Variants in CNTNAP4 observed in about 807,000 individuals in gnomAD.
CNTNAP4 encodes contactin-associated protein-like 4.
Under a neutral mutation model 148.4 loss-of-function variants are expected in CNTNAP4, and 98 were observed. The observed-to-expected ratio is 0.66, with a 90% CI of 0.56 to 0.78. The LOEUF (loss-of-function observed/expected upper bound fraction) is 0.78, where lower values mean the gene tolerates loss of function less well. Among genes scored for constraint, CNTNAP4 ranks in the 30% least tolerant of loss-of-function variants. The pLI is 0.00. For synonymous variants in CNTNAP4, 730 were observed against 565.1 expected (o/e 1.29, Z -4.14); for missense variants, 1,935 against 1,565.6 (o/e 1.24, Z -3.98).
intron 3 of CNTNAP4, among the ~76,000 whole-genome samples, chr16:76,388,104 T>G (rs1173067161): frequency 6.6e-6 from 1 of 152,202 alleles, no homozygotes; most frequent in Non-Finnish European, 1.5e-5. Flanking sequence ...AAATCACCCT[T>G]AAGTGTGGGT....
At chr16:76,358,395 A>C (rs2012978711) in intron 3 of CNTNAP4, among the ~76,000 whole-genome samples, 1 of 152,178 alleles carries the variant, frequency 6.6e-6, no homozygotes, top group South Asian at 2.1e-4. Flanking sequence ...TCAGAGCAAA[A>C]CAAAGAAAGA....
At chr16:76,335,745 A>G (rs1367059818) in intron 2 of CNTNAP4, among the ~76,000 whole-genome samples, 2 of 152,168 alleles carry the variant, frequency 1.3e-5, no homozygotes, top group Non-Finnish European at 2.9e-5. Context: ...ATGTGACAAG[A>G]ACCCCTTATC....
chr16:76,328,879 A>G (rs968914684), intron 2 of CNTNAP4, among the ~76,000 whole-genome samples: 12 of 152,272 alleles, frequency 7.9e-5, no homozygotes, highest in Middle Eastern at 6.8e-3. Flanking sequence ...TCCTGACCTC[A>G]GGTGATCCAC....
At chr16:76,309,928 T>C in intron 1 of CNTNAP4, 2 of 701,736 alleles carry the variant, frequency 2.9e-6, no homozygotes, top group Admixed American at 2.0e-5. Flanking sequence ...TAAGTCTCTT[T>C]TTCTTCCCCG....
rs779366718 is a variant in CNTNAP4 at position 76,475,963 on chromosome 16, C to T, written c.1680C>T (p.His560=). 8.1e-6 allele frequency: 13 copies of T among 1,613,492 alleles called. No individual in the cohort carries two copies. Among genetic ancestry groups the T allele is most frequent in the Admixed American group, 1.7e-5 (1 of 59,996 alleles). ...SDRCLPNYCE[H]GGECSQSWST... is the part of the protein sequence containing the mutation. ...GGTGTTTGCCCAACTATTGTGAACA[C>T]GGTGGGGAGTGTTCCCAGTCCTGGA... The change falls in exon 11 of 24, where the codon CAC becomes CAT. Residue 560 remains histidine, a synonymous_variant. Transcript: ENST00000611870.
intron 1 of CNTNAP4, among the ~76,000 whole-genome samples, chr16:76,298,721 C>A (rs891732245): frequency 2.0e-5 from 3 of 152,250 alleles, no homozygotes; most frequent in East Asian, 1.9e-4. Flanking sequence ...TGCTGGCCAA[C>A]TGGACTGCTG....
chr16:76,515,716 A>T (rs2083220227), intron 15 of CNTNAP4, among the ~76,000 whole-genome samples: 1 of 152,188 alleles, frequency 6.6e-6, no homozygotes, highest in African/African-American at 2.4e-5. Context: ...ACATGAAATG[A>T]TACCCAGCAT....
intron 3 of CNTNAP4, among the ~76,000 whole-genome samples, chr16:76,404,294 A>G (rs13336855): frequency 0.019 from 2,818 of 152,290 alleles, 68 homozygotes; most frequent in African/African-American, 0.054. Flanking sequence ...AATAAAAGAC[A>G]TAACAATAAC....
intron 15 of CNTNAP4, among the ~76,000 whole-genome samples, chr16:76,499,132 A>T (rs1006839167): frequency 1.4e-5 from 2 of 145,096 alleles, no homozygotes; most frequent in East Asian, 4.0e-4. Context: ...CAGTGGCGCG[A>T]TGTTGGCTCA....
intron 3 of CNTNAP4, among the ~76,000 whole-genome samples, chr16:76,390,720 T>A (rs1448926362): frequency 6.6e-6 from 1 of 152,194 alleles, no homozygotes; most frequent in Non-Finnish European, 1.5e-5. Flanking sequence ...ATGAAACAAT[T>A]CTAGGATTTT....
chr16:76,492,073 A>G (rs937426005), intron 13 of CNTNAP4, among the ~76,000 whole-genome samples: 1 of 152,224 alleles, frequency 6.6e-6, no homozygotes, highest in Non-Finnish European at 1.5e-5. Context: ...AGTTTAACTC[A>G]TAGAAACAGA....
chr16:76,428,737 AATATT>A (rs2079509074), intron 4 of CNTNAP4, among the ~76,000 whole-genome samples: 2 of 152,100 alleles, frequency 1.3e-5, no homozygotes, highest in African/African-American at 4.8e-5. Context: ...GTATTAATAT[AATATT>A]AATAGCAATA....
At chr16:76,382,689 C>A (rs2016104383) in intron 3 of CNTNAP4, among the ~76,000 whole-genome samples, 1 of 152,044 alleles carries the variant, frequency 6.6e-6, no homozygotes, top group Non-Finnish European at 1.5e-5. Flanking sequence ...AAAACCATGA[C>A]TATGTTTATC....
rs764349661 is a variant in CNTNAP4, at chr16:76,448,773, C to A, written c.749C>A (p.Ala250Asp). 1 of 1,602,752 alleles carries A rather than the reference C, an allele frequency of 6.2e-7. No homozygotes were observed. The highest frequency in any genetic ancestry group is 1.1e-5 in the South Asian group (1 of 88,920). The change falls in exon 6 of 24, where the codon GCT (alanine) becomes GAT (aspartate). Residue 250 changes from alanine (A) to aspartate (D), a missense_variant. Transcript: ENST00000611870. ...ATTTTTCTCCTCTTCTAAGGTGAAG[C>A]TAAACTGCCTTCCACTTCCACCCTG... ...RLFLLINSGE[A>D]KLPSTSTLVN...
intron 2 of CNTNAP4, among the ~76,000 whole-genome samples, chr16:76,350,940 A>C (rs1231499986): frequency 6.6e-6 from 1 of 152,140 alleles, no homozygotes; most frequent in Admixed American, 6.6e-5. Flanking sequence ...TGGAACAGGT[A>C]AAGGAAACCT....
intron 2 of CNTNAP4, among the ~76,000 whole-genome samples, chr16:76,334,054 A>C (rs1375865940): frequency 6.6e-6 from 1 of 151,824 alleles, no homozygotes; most frequent in Non-Finnish European, 1.5e-5. Flanking sequence ...TGATGAGTTC[A>C]TGTCCTTTGT....
intron 23 of CNTNAP4, 67 bp from the exon 24 acceptor site, chr16:76,558,423 G>A (rs1448768811): frequency 1.2e-6 from 1 of 850,972 alleles, no homozygotes; most frequent in East Asian, 2.5e-5. Context: ...GACTTATTAA[G>A]CAATGAAGTC....
intron 2 of CNTNAP4, among the ~76,000 whole-genome samples, chr16:76,323,407 T>C (rs1962635492): frequency 6.6e-6 from 1 of 152,204 alleles, no homozygotes; most frequent in Admixed American, 6.5e-5. Context: ...AGATTAATTT[T>C]ATGATCAGTG....
chr16:76,492,183 T>C (rs2082247624), intron 13 of CNTNAP4, among the ~76,000 whole-genome samples: 1 of 152,176 alleles, frequency 6.6e-6, no homozygotes, highest in Non-Finnish European at 1.5e-5. Flanking sequence ...AGACATGGTA[T>C]ACAGAATGAT....
Sources: allele counts gnomAD v4.1 joint callset (sites outside exome capture counted in the v4.1 genomes callset), GRCh38; gene constraint gnomAD v4.1.1; transcripts MANE v1.5; gene names NCBI Gene and HGNC (gene_info 2026-07-23, HGNC 2026-07-21).